PTPRD: variants seen among roughly 807,000 people sequenced by gnomAD.
PTPRD encodes the protein protein tyrosine phosphatase receptor type D.
PTPRD carries 34 observed loss-of-function variants against 214.5 expected under a neutral mutation model. The ratio of observed to expected loss-of-function variants is 0.16; its 90% CI spans 0.12 to 0.21. The LOEUF (loss-of-function observed/expected upper bound fraction) is 0.21, where lower values mean the gene tolerates loss of function less well. PTPRD is among the 10% of genes least tolerant of loss of function. PTPRD has a pLI of 1.00. For synonymous variants in PTPRD, 1,128 were observed against 845.7 expected (o/e 1.33, Z -5.79); for missense variants, 2,545 against 2,398.7 (o/e 1.06, Z -1.27).
intron 3 of PTPRD, among the ~76,000 whole-genome samples, chr9:10,081,840 A>G (rs2098243489): frequency 3.3e-5 from 5 of 152,098 alleles, no homozygotes; most frequent in Admixed American, 3.3e-4. Flanking sequence ...TCATGAAAAT[A>G]GCTGAGTGCT....
At chr9:9,961,582 T>G (rs1434905454) in intron 4 of PTPRD, among the ~76,000 whole-genome samples, 2 of 152,262 alleles carry the variant, frequency 1.3e-5, no homozygotes, top group South Asian at 2.1e-4. Flanking sequence ...AAATACTGAA[T>G]AAAGTATTAT....
At chr9:9,837,236 C>G (rs369997506) in intron 5 of PTPRD, among the ~76,000 whole-genome samples, 1 of 152,014 alleles carries the variant, frequency 6.6e-6, no homozygotes, top group Non-Finnish European at 1.5e-5. Flanking sequence ...AAGAAATGGG[C>G]ATCATCCAGG....
At chr9:8,472,279 C>T (rs1201891742) in intron 30 of PTPRD, among the ~76,000 whole-genome samples, 1 of 152,124 alleles carries the variant, frequency 6.6e-6, no homozygotes, top group Non-Finnish European at 1.5e-5. Flanking sequence ...AACACACACA[C>T]ACGGACCTAA....
intron 3 of PTPRD, among the ~76,000 whole-genome samples, chr9:10,078,863 C>T (rs1381495415): frequency 6.6e-6 from 1 of 152,072 alleles, no homozygotes; most frequent in Admixed American, 6.6e-5. Flanking sequence ...CACATTTCCT[C>T]CTAACAACAT....
chr9:8,410,357 C>T (rs2130949098), intron 35 of PTPRD, among the ~76,000 whole-genome samples: 1 of 152,174 alleles, frequency 6.6e-6, no homozygotes, highest in African/African-American at 2.4e-5. Context: ...TTCTGGCTGC[C>T]CCTGGTTAGC....
At chr9:8,515,704 A>G (rs1291386309) in intron 21 of PTPRD, among the ~76,000 whole-genome samples, 2 of 152,196 alleles carry the variant, frequency 1.3e-5, no homozygotes, top group African/African-American at 2.4e-5. Flanking sequence ...ACCAACCAAC[A>G]GAAGTTAGGG....
At chr9:9,360,067 C>T (rs945268858) in intron 9 of PTPRD, among the ~76,000 whole-genome samples, 5 of 151,120 alleles carry the variant, frequency 3.3e-5, no homozygotes, top group Admixed American at 1.3e-4. Context: ...TGGCAGAAGT[C>T]AGATTTCATA....
Position 8,485,297 on chromosome 9 carries a change from G to A in PTPRD, c.3083C>T (p.Ala1028Val), listed in dbSNP as rs758094292. The A allele has an allele frequency of 5.6e-6, 9 of 1,614,028 alleles. No homozygotes were observed. Among genetic ancestry groups the A allele is most frequent in the Non-Finnish European group, 6.8e-6 (8 of 1,179,944 alleles). The change falls in exon 29 of 46, where the codon GCA (alanine) becomes GTA (valine). Residue 1028 changes from alanine to valine, a missense_variant. By Grantham distance (64) the Ala-to-Val change is moderately conservative. Coordinates refer to ENST00000381196, the MANE Select transcript of PTPRD (RefSeq NM_002839.4). ...CAGCAACACGGAAGTCTTCATTACTGCTTTGACATGAAAATTTTTTGCAAA... is the reference window on the plus strand; with the variant it reads ...CAGCAACACGGAAGTCTTCATTACTACTTTGACATGAAAATTTTTTGCAAA... ...QVFAKNFHVK[A>V]VMKTSVLLSW... is the part of the protein sequence containing the mutation.
chr9:10,563,893 G>A (rs1171427620), intron 2 of PTPRD, among the ~76,000 whole-genome samples: 2 of 151,794 alleles, frequency 1.3e-5, no homozygotes, highest in African/African-American at 4.8e-5. Flanking sequence ...AAAGAGACAT[G>A]TCCTGTGTAA....
chr9:9,885,607 G>A (rs937754602), intron 5 of PTPRD, among the ~76,000 whole-genome samples: 2 of 151,996 alleles, frequency 1.3e-5, no homozygotes. Context: ...TCCTTATAAG[G>A]GAAGGAGAAG....
chr9:9,911,274 T>C (rs1467780661), intron 5 of PTPRD, among the ~76,000 whole-genome samples: 1 of 152,104 alleles, frequency 6.6e-6, no homozygotes, highest in Non-Finnish European at 1.5e-5. Flanking sequence ...CCATACTGCA[T>C]TGTGACACTT....
intron 14 of PTPRD, among the ~76,000 whole-genome samples, chr9:8,562,032 A>G (rs888457290): frequency 3.9e-5 from 6 of 152,174 alleles, no homozygotes; most frequent in Non-Finnish European, 7.4e-5. Flanking sequence ...GAATAACCTA[A>G]TATCAATTGG....
At chr9:10,391,081 T>A (rs929550245) in intron 2 of PTPRD, among the ~76,000 whole-genome samples, 1 of 151,762 alleles carries the variant, frequency 6.6e-6, no homozygotes, top group Admixed American at 6.6e-5. Flanking sequence ...ATTACAGTAT[T>A]GGGGATTGTG....
At chr9:9,182,928 GC>G (rs1382370465) in intron 10 of PTPRD, among the ~76,000 whole-genome samples, 5 of 151,736 alleles carry the variant, frequency 3.3e-5, no homozygotes, top group Non-Finnish European at 7.4e-5. Context: ...ACCACCGAGG[GC>G]TAATAATTTC....
intron 2 of PTPRD, among the ~76,000 whole-genome samples, chr9:10,471,738 T>C (rs1475335636): frequency 2.0e-5 from 3 of 152,174 alleles, no homozygotes; most frequent in Non-Finnish European, 4.4e-5. Flanking sequence ...GTCATCGTTA[T>C]AGTAATAAGT....
chr9:9,333,743 A>G (rs1375704451), intron 9 of PTPRD, among the ~76,000 whole-genome samples: 1 of 151,692 alleles, frequency 6.6e-6, no homozygotes, highest in Non-Finnish European at 1.5e-5. Flanking sequence ...TTTATAATAC[A>G]TTCATATGAG....
chr9:9,140,730 C>T (rs1299351711), intron 10 of PTPRD, among the ~76,000 whole-genome samples: 1 of 152,188 alleles, frequency 6.6e-6, no homozygotes, highest in Admixed American at 6.5e-5. Flanking sequence ...AGGTGCCCGC[C>T]ACCACGCCCG....
chr9:9,745,939 A>G (rs1217196832), intron 6 of PTPRD, among the ~76,000 whole-genome samples: 2 of 152,160 alleles, frequency 1.3e-5, no homozygotes, highest in African/African-American at 4.8e-5. Context: ...ATAAAATGGT[A>G]GCCCTTCTTA....
intron 5 of PTPRD, among the ~76,000 whole-genome samples, chr9:9,848,132 G>A (rs1051466268): frequency 1.4e-4 from 21 of 152,054 alleles, no homozygotes; most frequent in African/African-American, 4.3e-4. Context: ...GCTGTAACAC[G>A]CTTCAGAGTT....
Sources: allele counts gnomAD v4.1 joint callset (sites outside exome capture counted in the v4.1 genomes callset), GRCh38; gene constraint gnomAD v4.1.1; transcripts MANE v1.5; gene names NCBI Gene and HGNC (gene_info 2026-07-23, HGNC 2026-07-21).